Variants in LRP1B observed in about 807,000 individuals in gnomAD.
The protein encoded by LRP1B is low-density lipoprotein receptor-related protein 1B.
In LRP1B, 217 loss-of-function variants were observed where a neutral mutation model predicts 556.6. The observed-to-expected ratio is 0.39, with a 90% CI of 0.35 to 0.44. The LOEUF is 0.44. Ranked by LOEUF, LRP1B falls within the 20% of genes least tolerant of loss-of-function variation. LRP1B has a pLI of 1.00. For missense variants in LRP1B, 5,053 were observed against 5,620.8 expected (o/e 0.90, Z 3.23); for synonymous variants, 2,047 against 1,865.8 (o/e 1.10, Z -2.50).
chr2:141,633,174 A>G (rs994615489), intron 2 of LRP1B, among the ~76,000 whole-genome samples: 1 of 152,152 alleles, frequency 6.6e-6, no homozygotes, highest in East Asian at 1.9e-4. Context: ...GAAAAACTGC[A>G]TAATACATAA....
intron 2 of LRP1B, among the ~76,000 whole-genome samples, chr2:141,519,712 T>C (rs1387281071): frequency 6.6e-6 from 1 of 152,030 alleles, no homozygotes; most frequent in East Asian, 1.9e-4. Flanking sequence ...TATATGCGTA[T>C]ATATGTAGAC....
chr2:141,200,161 C>T (rs117116732), intron 6 of LRP1B, among the ~76,000 whole-genome samples: 4 of 152,100 alleles, frequency 2.6e-5, no homozygotes, highest in East Asian at 1.9e-4. Context: ...ATAGCAAAGA[C>T]GTGGAATCAA....
chr2:140,859,057 T>G (rs1242318533), intron 27 of LRP1B, among the ~76,000 whole-genome samples: 1 of 152,132 alleles, frequency 6.6e-6, no homozygotes, highest in Non-Finnish European at 1.5e-5. Flanking sequence ...TGAGCTCAAG[T>G]GATTTGCCTG....
At position 142,011,579 on chromosome 2, in the gene LRP1B, T is replaced by G. The variant is rs193117250; in HGVS notation, c.82+119069A>C. Among the ~76,000 whole-genome samples, 2 of 152,320 alleles carry G rather than the reference T, an allele frequency of 1.3e-5. 1 individual carries two copies. Among genetic ancestry groups the G allele is most frequent in the Admixed American group, 1.3e-4 (2 of 15,302 alleles). ...TATACCTCTTTCCACCATAGGAGAC[T>G]GCATGCTTTCTGCTAAATAGTTTAA... is the stretch of plus-strand genomic sequence containing the variant. On this transcript the variant is annotated intron_variant, in intron 1 of 90. Coordinates refer to ENST00000389484, the MANE Select transcript of LRP1B (RefSeq NM_018557.3).
At chr2:141,828,867 A>T (rs532395456) in intron 1 of LRP1B, among the ~76,000 whole-genome samples, 1 of 147,760 alleles carries the variant, frequency 6.8e-6, no homozygotes, top group Non-Finnish European at 1.5e-5. Flanking sequence ...CTATGAAATT[A>T]AAAAAAAATT....
At chr2:140,748,565 TA>T (rs1688428739) in intron 35 of LRP1B, among the ~76,000 whole-genome samples, 1 of 105,804 alleles carries the variant, frequency 9.5e-6, no homozygotes, top group African/African-American at 3.5e-5. Context: ...ACTATGTTGT[TA>T]AACATAGTTA....
intron 2 of LRP1B, among the ~76,000 whole-genome samples, chr2:141,670,416 G>A (rs1327408122): frequency 6.6e-6 from 1 of 152,146 alleles, no homozygotes; most frequent in African/African-American, 2.4e-5. Context: ...TAATTAGGAA[G>A]AAAATTAGGT....
chr2:140,254,440 G>A (rs1002965351), intron 86 of LRP1B, among the ~76,000 whole-genome samples: 2 of 152,132 alleles, frequency 1.3e-5, no homozygotes, highest in Non-Finnish European at 2.9e-5. Context: ...CTGAAACATT[G>A]GGAAATGAAT....
chr2:141,631,084 G>T (rs1468551071), intron 2 of LRP1B, among the ~76,000 whole-genome samples: 1 of 152,122 alleles, frequency 6.6e-6, no homozygotes, highest in Non-Finnish European at 1.5e-5. Flanking sequence ...CAAGGCTAGG[G>T]AGGCCTCAGG....
intron 2 of LRP1B, among the ~76,000 whole-genome samples, chr2:141,721,639 T>C (rs1292076638): frequency 2.0e-5 from 3 of 152,214 alleles, no homozygotes; most frequent in Non-Finnish European, 2.9e-5. Flanking sequence ...CTTTTTGCTA[T>C]TTTTCTAAGA....
chr2:141,880,875 A>G (rs1698936482), intron 1 of LRP1B, among the ~76,000 whole-genome samples: 1 of 59,304 alleles, frequency 1.7e-5, no homozygotes, highest in South Asian at 4.6e-4. Context: ...ATGATAACTT[A>G]TTCTTATTTT....
intron 41 of LRP1B, among the ~76,000 whole-genome samples, chr2:140,651,996 A>G (rs1222049442): frequency 6.6e-6 from 1 of 152,204 alleles, no homozygotes; most frequent in African/African-American, 2.4e-5. Context: ...AAGAGAATAT[A>G]TTAGAAAATT....
At chr2:141,080,777 A>G (rs1217198427) in intron 7 of LRP1B, among the ~76,000 whole-genome samples, 1 of 152,204 alleles carries the variant, frequency 6.6e-6, no homozygotes, top group African/African-American at 2.4e-5. Flanking sequence ...TCAGTTACCT[A>G]TGGTCAACTG....
chr2:140,993,897 T>C (rs1208788280), intron 16 of LRP1B, 98 bp downstream of exon 16: 2 of 1,228,768 alleles, frequency 1.6e-6, no homozygotes, highest in Non-Finnish European at 2.3e-6. Flanking sequence ...TCAATCTGCA[T>C]CAAAGGTATT....
chr2:140,568,814 A>G (rs974517211), intron 43 of LRP1B, among the ~76,000 whole-genome samples: 1 of 152,084 alleles, frequency 6.6e-6, no homozygotes, highest in Non-Finnish European at 1.5e-5. Context: ...ACCAGGAAAT[A>G]ATGTAAAGGT....
chr2:140,331,743 A>G (rs1269286336), intron 79 of LRP1B, among the ~76,000 whole-genome samples: 1 of 150,940 alleles, frequency 6.6e-6, no homozygotes, highest in Non-Finnish European at 1.5e-5. Context: ...TTGCTTAGGC[A>G]GGAGTGTAAT....
chr2:142,036,955 G>T (rs1376576135), intron 1 of LRP1B, among the ~76,000 whole-genome samples: 4 of 151,634 alleles, frequency 2.6e-5, no homozygotes, highest in Non-Finnish European at 5.9e-5. Context: ...AAAATTATAA[G>T]GATGCATTGA....
At chr2:140,740,657 A>C (rs191551920) in intron 35 of LRP1B, among the ~76,000 whole-genome samples, 1 of 152,158 alleles carries the variant, frequency 6.6e-6, no homozygotes, top group Admixed American at 6.5e-5. Flanking sequence ...AAACCTATGG[A>C]AAAAGAAAAA....
At chr2:142,012,720 G>T (rs1192782805) in intron 1 of LRP1B, among the ~76,000 whole-genome samples, 1 of 152,070 alleles carries the variant, frequency 6.6e-6, no homozygotes, top group Non-Finnish European at 1.5e-5. Context: ...TTACCTTACT[G>T]CATGGTTCAC....
Sources: allele counts gnomAD v4.1 joint callset (sites outside exome capture counted in the v4.1 genomes callset), GRCh38; gene constraint gnomAD v4.1.1; transcripts MANE v1.5; gene names NCBI Gene and HGNC (gene_info 2026-07-23, HGNC 2026-07-21).